The following ENTHD1 variants were observed in gnomAD, a reference collection of about 807,000 sequenced individuals.
The protein encoded by ENTHD1 is ENTH domain containing 1.
ENTHD1 carries 23 observed loss-of-function variants against 39.1 expected under a neutral mutation model. The ratio of observed to expected loss-of-function variants is 0.59; its 90% CI spans 0.42 to 0.83. The LOEUF (loss-of-function observed/expected upper bound fraction) is 0.83, where lower values mean the gene tolerates loss of function less well. Ranked by LOEUF, ENTHD1 falls within the 40% of genes least tolerant of loss-of-function variation. ENTHD1 has a pLI of 0.00. For missense variants in ENTHD1, 624 were observed against 705.4 expected (o/e 0.88, Z 1.31); for synonymous variants, 230 against 258.2 (o/e 0.89, Z 1.05).
intron 4 of ENTHD1, among the ~76,000 whole-genome samples, chr22:39,830,601 G>A (rs553181346): frequency 2.4e-4 from 37 of 152,214 alleles, no homozygotes; most frequent in Admixed American, 1.0e-3. Context: ...CTGAGCACAA[G>A]ACTAAACAAG....
At chr22:39,823,744 T>C (rs1425628774) in intron 4 of ENTHD1, among the ~76,000 whole-genome samples, 3 of 152,214 alleles carry the variant, frequency 2.0e-5, no homozygotes, top group Non-Finnish European at 4.4e-5. Context: ...ACCAAACTGT[T>C]TTCCAGAGTA....
intron 2 of ENTHD1, among the ~76,000 whole-genome samples, chr22:39,880,289 G>T (rs1044459406): frequency 2.0e-5 from 3 of 152,194 alleles, no homozygotes; most frequent in African/African-American, 7.2e-5. Context: ...AAATTATGGA[G>T]ACAGTGAAAA....
intron 3 of ENTHD1, among the ~76,000 whole-genome samples, chr22:39,843,676 C>T (rs368940881): frequency 6.6e-6 from 1 of 152,006 alleles, no homozygotes; most frequent in Non-Finnish European, 1.5e-5. Context: ...GTCAAGCAAG[C>T]ACAGTTGCAA....
chr22:39,821,006 A>G lies in ENTHD1; in HGVS notation c.819T>C (p.Asn273=), dbSNP rs1440643686. 2 of 1,614,064 alleles carry G rather than the reference A, an allele frequency of 1.2e-6. No homozygotes were observed. Among genetic ancestry groups the G allele is most frequent in the Non-Finnish European group, 1.7e-6 (2 of 1,179,962 alleles). Residue 273 remains asparagine, a synonymous_variant, in exon 5 of 7, where the codon AAT becomes AAC. Transcript: ENST00000325157. ...TAACCAATTTACCTGCACCCGAAAG[A>G]TTACAAACTTCTTCTGCTTCTGACA... The part of the protein sequence containing the change: ...TCLSEAEEVC[N]LSGADAVPTL...
intron 3 of ENTHD1, among the ~76,000 whole-genome samples, chr22:39,856,872 AG>A (rs751414092): frequency 0.059 from 8,732 of 148,676 alleles, 293 homozygotes; most frequent in South Asian, 0.11. Flanking sequence ...AAAAAAAGAA[AG>A]AAAGAAAAGG....
intron 5 of ENTHD1, among the ~76,000 whole-genome samples, chr22:39,804,094 G>T (rs541654600): frequency 6.6e-6 from 1 of 152,124 alleles, no homozygotes; most frequent in East Asian, 1.9e-4. Context: ...AGCCTGAGAG[G>T]TTGAGGCAGC....
intron 1 of ENTHD1, 77 bp from the exon 2 acceptor site, chr22:39,887,980 AG>A (rs1279073014): frequency 1.2e-5 from 5 of 417,560 alleles, no homozygotes; most frequent in Non-Finnish European, 2.1e-5. Flanking sequence ...CTGAAAATCT[AG>A]GTTTTGTTTC....
intron 2 of ENTHD1, among the ~76,000 whole-genome samples, chr22:39,879,869 C>T (rs139300733): frequency 0.012 from 1,848 of 152,254 alleles, 72 homozygotes; most frequent in Admixed American, 0.08. Context: ...ATCAAGGTAA[C>T]GTTCAGTAGG....
At chr22:39,758,452 T>A (rs1325845257) in intron 6 of ENTHD1, among the ~76,000 whole-genome samples, 2 of 152,218 alleles carry the variant, frequency 1.3e-5, no homozygotes, top group Non-Finnish European at 2.9e-5. Context: ...GAGATGGGTG[T>A]CTTGCTCTGT....
At chr22:39,820,865 A>C in intron 5 of ENTHD1, 128 bp downstream of exon 5, 2 of 903,660 alleles carry the variant, frequency 2.2e-6, no homozygotes, top group Non-Finnish European at 3.3e-6. Context: ...TTATAGGACC[A>C]TGTTGTGGGT....
intron 2 of ENTHD1, among the ~76,000 whole-genome samples, chr22:39,866,654 G>A (rs2066184026): frequency 6.6e-6 from 1 of 152,158 alleles, no homozygotes; most frequent in South Asian, 2.1e-4. Flanking sequence ...CTCTCCCGCT[G>A]TGCCCTATGC....
At chr22:39,829,659 C>T (rs541186225) in intron 4 of ENTHD1, among the ~76,000 whole-genome samples, 2 of 152,004 alleles carry the variant, frequency 1.3e-5, no homozygotes, top group Non-Finnish European at 2.9e-5. Flanking sequence ...GGCATGGTGG[C>T]AGGCGCCTAT....
chr22:39,835,184 A>C (rs955523206), intron 4 of ENTHD1, among the ~76,000 whole-genome samples: 10 of 152,124 alleles, frequency 6.6e-5, no homozygotes, highest in African/African-American at 2.4e-4. Flanking sequence ...TAATATACCA[A>C]TATCCGTTTT....
At chr22:39,853,925 G>T (rs2146710315) in intron 3 of ENTHD1, among the ~76,000 whole-genome samples, 1 of 152,278 alleles carries the variant, frequency 6.6e-6, no homozygotes, top group Non-Finnish European at 1.5e-5. Context: ...ATACATTTAA[G>T]GAAGATTAGT....
rs188144887 is a variant in ENTHD1, at chr22:39,823,450, T to G, written c.712-2337A>C. On this transcript the variant is annotated intron_variant, in intron 4 of 6. Transcript: ENST00000325157. ...GCCTCAACTTCCCAGGCTCAAGTGA[T>G]CCTCCCACTTCAGCCTCCCAAGTAG... Among the ~76,000 whole-genome samples the G allele has an allele frequency of 2.6e-5, 4 of 152,040 alleles. No individual in the cohort carries two copies. In the South Asian group the frequency reaches 8.3e-4, roughly 32 times the overall value.
chr22:39,787,267 C>G (rs1434344652), intron 5 of ENTHD1, among the ~76,000 whole-genome samples: 1 of 152,176 alleles, frequency 6.6e-6, no homozygotes, highest in Non-Finnish European at 1.5e-5. Context: ...TCATCTCTCT[C>G]TCCCTCTTCT....
intron 3 of ENTHD1, among the ~76,000 whole-genome samples, chr22:39,847,491 G>A (rs530961734): frequency 1.0e-3 from 157 of 151,266 alleles, no homozygotes; most frequent in Admixed American, 3.0e-3. Context: ...CATTGTGCAC[G>A]TGTACCCTAA....
intron 2 of ENTHD1, among the ~76,000 whole-genome samples, chr22:39,870,913 C>G (rs1238151321): frequency 6.6e-6 from 1 of 152,104 alleles, no homozygotes; most frequent in Non-Finnish European, 1.5e-5. Flanking sequence ...TGGCTCATAT[C>G]TGTAATTCTA....
At chr22:39,816,861 T>G (rs1245020131) in intron 5 of ENTHD1, among the ~76,000 whole-genome samples, 1 of 151,828 alleles carries the variant, frequency 6.6e-6, no homozygotes, top group Non-Finnish European at 1.5e-5. Flanking sequence ...TGAAAGATAT[T>G]TGCAACATAA....
Sources: gnomAD v4.1 joint callset for allele counts (sites outside exome capture counted in the v4.1 genomes callset) on GRCh38, gnomAD v4.1.1 for gene constraint, MANE v1.5 for transcripts, NCBI Gene and HGNC (gene_info 2026-07-23, HGNC 2026-07-21) for gene names.